NEK5: variants seen among roughly 807,000 people sequenced by gnomAD.
NEK5 encodes serine/threonine-protein kinase Nek5.
Under a neutral mutation model 109.2 loss-of-function variants are expected in NEK5, and 88 were observed. The ratio of observed to expected loss-of-function variants is 0.81; its 90% confidence interval spans 0.68 to 0.96. The LOEUF is 0.96. NEK5 is among the 40% of genes least tolerant of loss of function. NEK5 has a pLI of 0.00. For missense variants in NEK5, 834 were observed against 920.7 expected, an observed-to-expected ratio of 0.91 and a Z score of 1.22; for synonymous variants, 283 against 299.9, an observed-to-expected ratio of 0.94 and a Z score of 0.58.
chr13:52,035,459 C>G lies in NEK5; in HGVS notation c.*1489G>C, dbSNP rs1224421177. 1 of 152,164 alleles carries G rather than the reference C, an allele frequency of 6.6e-6. No individual in the cohort carries two copies. The highest frequency in any genetic ancestry group is 1.9e-4 in the East Asian group (1 of 5,194). The allele number at this position is 152,164 out of a possible 1,614,324, so 9.4% of individuals were successfully genotyped here. Reference sequence around the variant, plus strand: ...ATATTTCAGGCAGAATTCTACCACCCTGAAATGTAACCACCCTCTCCTTCC... The same window carrying G: ...ATATTTCAGGCAGAATTCTACCACCGTGAAATGTAACCACCCTCTCCTTCC... On this transcript the variant is annotated 3_prime_UTR_variant, in exon 24 of 24. Transcript: ENST00000684899.
At chr13:52,083,848 C>T (rs1424649985) in intron 16 of NEK5, among the ~76,000 whole-genome samples, 1 of 152,088 alleles carries the variant, frequency 6.6e-6, no homozygotes, top group Non-Finnish European at 1.5e-5. Flanking sequence ...TGTCTGCTAT[C>T]CATTTTTGCA....
chr13:52,063,719 G>A (rs1270124895), intron 21 of NEK5, among the ~76,000 whole-genome samples: 1 of 151,690 alleles, frequency 6.6e-6, no homozygotes, highest in Non-Finnish European at 1.5e-5. Flanking sequence ...CCTCTGCCCG[G>A]CCGCGACCCC....
chr13:52,089,239 T>G lies in NEK5; in HGVS notation c.1275+8A>C, dbSNP rs1210125974. On this transcript the variant is annotated splice_region_variant and intron_variant, in intron 14 of 23. Coordinates refer to ENST00000684899, the MANE Select transcript of NEK5 (RefSeq NM_001365552.1). ...CTAATTGCTTCCCATATTTGGTATT[T>G]TACTTACCAATTGCTTCTCCACTTT... 1.9e-6 allele frequency: 3 copies of G among 1,553,178 alleles called. No homozygotes were observed. Among genetic ancestry groups the G allele is most frequent in the Non-Finnish European group, 2.7e-6 (3 of 1,125,952 alleles).
rs1312552552 is a variant in NEK5, at chr13:52,035,373, A to G, written c.*1575T>C. 6.6e-6 allele frequency: 1 copy of G among 152,160 alleles called. No individual in the cohort carries two copies. The highest frequency in any genetic ancestry group is 1.5e-5 in the Non-Finnish European group (1 of 68,026). The allele number at this position is 152,160 out of a possible 1,614,324, so 9.4% of individuals were successfully genotyped here. On this transcript the variant is annotated 3_prime_UTR_variant, in exon 24 of 24. Transcript: ENST00000684899. ...GAAATAATCTGACCCACCTTACCTC[A>G]TCTTTGTTTTCTCAGTTTAACAGTG... is the stretch of plus-strand genomic sequence containing the variant.
chr13:52,066,015 A>G (rs1177122465), intron 20 of NEK5, among the ~76,000 whole-genome samples: 1 of 36,638 alleles, frequency 2.7e-5, no homozygotes, highest in Non-Finnish European at 1.4e-4. Context: ...AGGTAGAAGA[A>G]AAAAAAAAAT....
chr13:52,110,457 G>T, intron 6 of NEK5, 37 bp downstream of exon 6: 2 of 1,596,332 alleles, frequency 1.3e-6, no homozygotes, highest in Non-Finnish European at 1.7e-6. Context: ...TTCAAGAAAA[G>T]ATCAGTTCTG....
At chr13:52,065,865 C>T (rs938862080) in intron 20 of NEK5, among the ~76,000 whole-genome samples, 1 of 152,200 alleles carries the variant, frequency 6.6e-6, no homozygotes, top group African/African-American at 2.4e-5. Flanking sequence ...AAATGGACTT[C>T]CTTGAGGCAT....
intron 13 of NEK5, among the ~76,000 whole-genome samples, chr13:52,091,649 C>T (rs1955286383): frequency 6.6e-6 from 1 of 151,874 alleles, no homozygotes; most frequent in Non-Finnish European, 1.5e-5. Context: ...AATTCTTAAC[C>T]CTGAACAAAA....
intron 21 of NEK5, among the ~76,000 whole-genome samples, chr13:52,063,936 CG>C: frequency 6.7e-6 from 1 of 149,362 alleles, no homozygotes; most frequent in Admixed American, 6.6e-5. Flanking sequence ...CCGCCCCGTC[CG>C]GGAGGGAGGT....
At chr13:52,111,474 A>G (rs1457424654) in intron 5 of NEK5, among the ~76,000 whole-genome samples, 1 of 152,226 alleles carries the variant, frequency 6.6e-6, no homozygotes, top group African/African-American at 2.4e-5. Context: ...ATCTTACAGA[A>G]GTTAGAGATA....
intron 7 of NEK5, among the ~76,000 whole-genome samples, chr13:52,109,984 C>T (rs1383926231): frequency 6.6e-6 from 1 of 152,152 alleles, no homozygotes; most frequent in Non-Finnish European, 1.5e-5. Flanking sequence ...TTTGGTCACT[C>T]GTATTTGGCT....
intron 11 of NEK5, among the ~76,000 whole-genome samples, chr13:52,101,256 C>T (rs368145595): frequency 6.6e-6 from 1 of 152,048 alleles, no homozygotes; most frequent in African/African-American, 2.4e-5. Flanking sequence ...AAAAATTAGC[C>T]GGGAGTGGTG....
intron 23 of NEK5, among the ~76,000 whole-genome samples, chr13:52,048,140 A>T (rs1225313916): frequency 6.6e-6 from 1 of 152,242 alleles, no homozygotes; most frequent in Admixed American, 6.5e-5. Context: ...GAAGATATTA[A>T]ATGCTCCCAA....
chr13:52,077,766 A>G (rs1026331427), intron 17 of NEK5, among the ~76,000 whole-genome samples: 1 of 152,174 alleles, frequency 6.6e-6, no homozygotes, highest in African/African-American at 2.4e-5. Flanking sequence ...AAAGAAGCAC[A>G]TGACCACATA....
At chr13:52,125,173 A>G (rs1459331841) in intron 3 of NEK5, among the ~76,000 whole-genome samples, 2 of 152,208 alleles carry the variant, frequency 1.3e-5, no homozygotes, top group Admixed American at 1.3e-4. Flanking sequence ...AATGATCGTC[A>G]TCCTAAATTC....
chr13:52,127,287 A>C (rs2138159892), intron 3 of NEK5, 79 bp downstream of exon 3: 1 of 806,370 alleles, frequency 1.2e-6, no homozygotes, highest in East Asian at 2.5e-5. Context: ...ATAAAAAATA[A>C]AAATTTCCTT....
chr13:52,086,870 G>A (rs1391735830), intron 15 of NEK5, among the ~76,000 whole-genome samples: 1 of 152,216 alleles, frequency 6.6e-6, no homozygotes, highest in Non-Finnish European at 1.5e-5. Context: ...AGAGAATGGA[G>A]TGATGCGACT....
At chr13:52,041,975 A>G (rs75416767) in intron 23 of NEK5, among the ~76,000 whole-genome samples, 4 of 152,070 alleles carry the variant, frequency 2.6e-5, no homozygotes, top group Non-Finnish European at 4.4e-5. Context: ...TTAGACCTAG[A>G]CATACCATAG....
At chr13:52,074,553 A>G (rs949066085) in intron 19 of NEK5, among the ~76,000 whole-genome samples, 1 of 152,184 alleles carries the variant, frequency 6.6e-6, no homozygotes, top group African/African-American at 2.4e-5. Flanking sequence ...AGGAAACACC[A>G]TTATGAACAT....
Sources: gnomAD v4.1 joint callset for allele counts (sites outside exome capture counted in the v4.1 genomes callset) on GRCh38, gnomAD v4.1.1 for gene constraint, MANE v1.5 for transcripts, NCBI Gene and HGNC (gene_info 2026-07-23, HGNC 2026-07-21) for gene names.